Variants in PARP8 observed in about 807,000 individuals in gnomAD.
PARP8 encodes the protein poly(ADP-ribose) polymerase family member 8, also known as protein mono-ADP-ribosyltransferase PARP8.
A neutral mutation model predicts 124.1 loss-of-function variants in PARP8; 51 were observed. That is an observed-to-expected ratio of 0.41 (90% CI 0.33 to 0.52). PARP8 has a LOEUF of 0.52. Ranked by LOEUF, PARP8 falls within the 20% of genes least tolerant of loss-of-function variation. The pLI, the probability that PARP8 is intolerant of heterozygous loss-of-function variation, is 0.21. For synonymous variants in PARP8, 391 were observed against 361.5 expected (o/e 1.08, Z -0.93); for missense variants, 860 against 1,018.9 (o/e 0.84, Z 2.12).
rs185884124 is a variant in PARP8, at chr5:50,844,515, T to G, written c.*2447T>G. ...TTTAGAGATTTGAACACTGTTATCA[T>G]GCTTTAATTCAGTCATTCATTAAAA... On this transcript the variant is annotated 3_prime_UTR_variant, in exon 26 of 26. Coordinates refer to ENST00000281631, the MANE Select transcript of PARP8 (RefSeq NM_024615.4). 2 of 151,852 alleles carry G rather than the reference T, an allele frequency of 1.3e-5. No homozygotes were observed. The highest frequency in any genetic ancestry group is 4.8e-5 in the African/African-American group (2 of 41,420). 9.4% of individuals were successfully genotyped at this position (151,852 alleles called of 1,614,324 possible). A position where few individuals can be genotyped will look rare whatever the true frequency, so the allele number is the denominator to read the frequency against.
At chr5:50,770,517 G>A (rs897848136) in intron 7 of PARP8, among the ~76,000 whole-genome samples, 1 of 151,186 alleles carries the variant, frequency 6.6e-6, no homozygotes, top group Admixed American at 6.6e-5. Flanking sequence ...TTTTTAAAAG[G>A]GTTGGAGAAA....
chr5:50,722,632 G>A lies in PARP8; in HGVS notation c.147-27519G>A, dbSNP rs183376969. Among the ~76,000 whole-genome samples, 4 of 152,206 alleles carry A rather than the reference G, an allele frequency of 2.6e-5. No homozygotes were observed. The East Asian group carries it at 5.8e-4, about 22-fold the overall frequency. On this transcript the variant is annotated intron_variant, in intron 2 of 25. Coordinates refer to ENST00000281631, the MANE Select transcript of PARP8 (RefSeq NM_024615.4). ...CAAAAAACTATTTGCTTCTCAGACC[G>A]TTGGGCCCCTGGAATCCAACTGTGT...
intron 7 of PARP8, among the ~76,000 whole-genome samples, chr5:50,773,836 T>A (rs1329260959): frequency 2.0e-5 from 3 of 151,748 alleles, no homozygotes; most frequent in African/African-American, 7.2e-5. Context: ...TCATTAATTT[T>A]TTTTTTTTTT....
At chr5:50,757,259 C>T in intron 3 of PARP8, 1 of 418,764 alleles carries the variant, frequency 2.4e-6, no homozygotes, top group Non-Finnish European at 4.8e-6. Flanking sequence ...CCTATCAAGA[C>T]TGAATCATAA....
chr5:50,751,067 G>A (rs552378964), intron 3 of PARP8, among the ~76,000 whole-genome samples: 3 of 148,570 alleles, frequency 2.0e-5, no homozygotes, highest in African/African-American at 7.4e-5. Flanking sequence ...ATCTGAGTCA[G>A]ATCATAGAGA....
chr5:50,767,239 A>G (rs1374919492), intron 7 of PARP8, among the ~76,000 whole-genome samples: 1 of 152,180 alleles, frequency 6.6e-6, no homozygotes, highest in Non-Finnish European at 1.5e-5. Flanking sequence ...GATTTTAAGA[A>G]TGCTTATTAC....
intron 2 of PARP8, among the ~76,000 whole-genome samples, chr5:50,720,816 C>A (rs1343067299): frequency 6.6e-6 from 1 of 152,018 alleles, no homozygotes; most frequent in Non-Finnish European, 1.5e-5. Flanking sequence ...TCCTCCTCTT[C>A]CCCTTACCAT....
At position 50,797,066 on chromosome 5, in the gene PARP8, T is replaced by C. The variant is rs766509962; in HGVS notation, c.1479+34T>C. 3.1e-6 allele frequency: 5 copies of C among 1,611,240 alleles called. No individual in the cohort carries two copies. In the Admixed American group the frequency reaches 8.4e-5, roughly 27 times the overall value. On this transcript the variant is annotated intron_variant, in intron 13 of 25. Transcript: ENST00000281631. ...CAAAACTCTATCCATTGTACAAATA[T>C]TTTAGTTCTTACGGGGTTTTTAAAT...
chr5:50,786,378 T>C (rs1741247692), intron 9 of PARP8, among the ~76,000 whole-genome samples: 1 of 151,908 alleles, frequency 6.6e-6, no homozygotes, highest in African/African-American at 2.4e-5. Context: ...TTTTCTTTTT[T>C]TTTTCAGATA....
chr5:50,833,512 G>GAAA, intron 23 of PARP8: 18 of 273,788 alleles, frequency 6.6e-5, no homozygotes, highest in East Asian at 2.0e-4. Context: ...TCTAATATCT[G>GAAA]AAAAAAAAAA....
At chr5:50,778,951 G>A (rs955298760) in intron 9 of PARP8, among the ~76,000 whole-genome samples, 1 of 151,808 alleles carries the variant, frequency 6.6e-6, no homozygotes, top group African/African-American at 2.4e-5. Flanking sequence ...ATATATTTTG[G>A]GTTTTCCTTA....
chr5:50,747,036 A>T (rs532527495), intron 2 of PARP8, among the ~76,000 whole-genome samples: 5 of 151,900 alleles, frequency 3.3e-5, no homozygotes, highest in South Asian at 4.1e-4. Context: ...TCTAAAAAAA[A>T]TTTTTTTTAA....
At chr5:50,689,131 G>C (rs1394519638) in intron 2 of PARP8, among the ~76,000 whole-genome samples, 1 of 149,206 alleles carries the variant, frequency 6.7e-6, no homozygotes, top group Non-Finnish European at 1.5e-5. Flanking sequence ...CTGGGAAAGA[G>C]ATCCTTAATC....
Position 50,797,248 on chromosome 5 carries a change from A to T in PARP8, c.1575+15A>T. ...CTATGCTTAGGGTAAGTTCTTGCTGATAGAATGTCCGTGTTGGTTTAGAAT... is the reference window on the plus strand; with the variant it reads ...CTATGCTTAGGGTAAGTTCTTGCTGTTAGAATGTCCGTGTTGGTTTAGAAT... On this transcript the variant is annotated intron_variant, in intron 14 of 25. Transcript: ENST00000281631. 2 of 1,547,762 alleles carry T rather than the reference A, an allele frequency of 1.3e-6. No homozygotes were observed. Among genetic ancestry groups the T allele is most frequent in the Non-Finnish European group, 1.8e-6 (2 of 1,126,818 alleles).
intron 21 of PARP8, among the ~76,000 whole-genome samples, chr5:50,828,936 C>T (rs1348479098): frequency 5.9e-5 from 9 of 152,064 alleles, no homozygotes; most frequent in Admixed American, 5.9e-4. Context: ...TTAATTCCCT[C>T]TGAGAAAACA....
chr5:50,775,369 A>G (rs1276846671), intron 7 of PARP8, among the ~76,000 whole-genome samples: 1 of 152,234 alleles, frequency 6.6e-6, no homozygotes, highest in Admixed American at 6.5e-5. Context: ...AGCCCGGCCA[A>G]CACGGTGAAA....
At chr5:50,743,322 C>T (rs1472991355) in intron 2 of PARP8, among the ~76,000 whole-genome samples, 1 of 151,946 alleles carries the variant, frequency 6.6e-6, no homozygotes, top group Non-Finnish European at 1.5e-5. Flanking sequence ...AGCTGATTGA[C>T]CTGCACAATT....
In PARP8 at chr5:50,769,549, A is replaced by G. The variant is rs563980138; in HGVS notation, c.518+6307A>G. On this transcript the variant is annotated intron_variant, in intron 7 of 25. Coordinates refer to ENST00000281631, the MANE Select transcript of PARP8 (RefSeq NM_024615.4). ...AATGTTTATTTAACCCAGTAATTCA[A>G]GAAGTGATTCTATGAGAAGACAGAT... 2.6e-5 allele frequency among the ~76,000 whole-genome samples: 4 copies of G among 152,214 alleles called. No individual in the cohort carries two copies. The East Asian group carries it at 7.7e-4, about 29-fold the overall frequency.
rs369778760 is a variant in PARP8, at chr5:50,677,629, A to G, written c.146+9504A>G. Among the ~76,000 whole-genome samples, 39 of 152,242 alleles carry G rather than the reference A, an allele frequency of 2.6e-4. No homozygotes were observed. The East Asian group carries it at 6.9e-3, about 27-fold the overall frequency. On this transcript the variant is annotated intron_variant, in intron 2 of 25. Transcript: ENST00000281631. ...TTTTAAACTTATTTTTTTTGTAATC[A>G]TATTGCTAGTTTGATTTCATATGAA... is the stretch of plus-strand genomic sequence containing the variant.
Sources: gnomAD v4.1 joint callset for allele counts (sites outside exome capture counted in the v4.1 genomes callset) on GRCh38, gnomAD v4.1.1 for gene constraint, MANE v1.5 for transcripts, NCBI Gene and HGNC (gene_info 2026-07-23, HGNC 2026-07-21) for gene names.